SCEL: variants seen among roughly 807,000 people sequenced by gnomAD.
The protein encoded by SCEL is sciellin.
A neutral mutation model predicts 117.6 loss-of-function variants in SCEL; 113 were observed. The observed-to-expected ratio is 0.96, with a 90% CI of 0.83 to 1.12. SCEL has a LOEUF of 1.12. Among genes scored for constraint, SCEL ranks in the 50% most tolerant of loss-of-function variants. The probability of loss-of-function intolerance (pLI) is 0.00; values close to 1 mark genes in which losing one functional copy is unlikely to be tolerated. For synonymous variants in SCEL, 270 were observed against 256.2 expected (o/e 1.05, Z -0.51); for missense variants, 785 against 810.8 (o/e 0.97, Z 0.39).
At position 77,593,298 on chromosome 13, in the gene SCEL, C is replaced by CGCGTCTG. The variant is rs1195863187; in HGVS notation, c.693-216_693-215insGCGTCTG. Among the ~76,000 whole-genome samples, 185 of 73,740 alleles carry CGCGTCTG rather than the reference C, an allele frequency of 2.5e-3. 2 individuals carry two copies. The highest frequency in any genetic ancestry group is 9.5e-3 in the African/African-American group (162 of 17,120). 48.4% of individuals were successfully genotyped at this position (73,740 alleles called of 152,430 possible). On this transcript the variant is annotated intron_variant, in intron 11 of 32. Transcript: ENST00000349847. ...TGTGTGTGTGTGTGTGTGTGTGTGTCTGTGTGTGTGTGTGTGTGTGTCAGT... is the reference window on the plus strand; with the variant it reads ...TGTGTGTGTGTGTGTGTGTGTGTGTCGCGTCTGTGTGTGTGTGTGTGTGTGTGTCAGT...
chr13:77,636,268 G>A (rs2090273595), intron 29 of SCEL, among the ~76,000 whole-genome samples: 3 of 152,128 alleles, frequency 2.0e-5, no homozygotes, highest in Admixed American at 2.0e-4. Context: ...CAATAAAATG[G>A]GAATCATGAC....
chr13:77,637,057 T>G (rs1358265505), intron 29 of SCEL, 63 bp from the exon 30 acceptor site: 3 of 747,486 alleles, frequency 4.0e-6, no homozygotes, highest in Non-Finnish European at 6.7e-6. Context: ...GGTGTGAGTG[T>G]GTTTTCTTAT....
chr13:77,556,364 G>C (rs2154395807), intron 2 of SCEL, among the ~76,000 whole-genome samples: 1 of 152,330 alleles, frequency 6.6e-6, no homozygotes, highest in Non-Finnish European at 1.5e-5. Context: ...GGCCTCATGA[G>C]TGGCACTGGC....
rs961628856 is a variant in SCEL at position 77,630,376 on chromosome 13, C to A, written c.1691+2367C>A. Among the ~76,000 whole-genome samples the A allele has an allele frequency of 3.9e-5, 6 of 152,168 alleles. No homozygotes were observed. The East Asian group carries it at 5.8e-4, about 15-fold the overall frequency. ...AGATTTTAAGAACTGTCATACTTTT[C>A]AAATCATATAATTATAAGGTGGCCA... is the stretch of plus-strand genomic sequence containing the variant. On this transcript the variant is annotated intron_variant, in intron 28 of 32. Coordinates refer to ENST00000349847, the MANE Select transcript of SCEL (RefSeq NM_144777.3).
At chr13:77,640,627 G>A (rs369008485) in intron 30 of SCEL, 49 bp from the exon 31 acceptor site, 2 of 918,880 alleles carry the variant, frequency 2.2e-6, no homozygotes, top group African/African-American at 1.7e-5. Flanking sequence ...GAATACATCT[G>A]TCTTCTGTAT....
chr13:77,597,171 G>A (rs1416245374), intron 12 of SCEL: 1 of 218,530 alleles, frequency 4.6e-6, no homozygotes, highest in Non-Finnish European at 8.8e-6. Flanking sequence ...AAGTGTGTCT[G>A]ATGTAAAATA....
rs139437895 is a variant in SCEL, at chr13:77,642,750, T to C, written c.1992T>C (p.Asp664=). Residue 664 remains aspartate, a synonymous_variant, in exon 32 of 33, where the codon GAT becomes GAC. Coordinates refer to ENST00000349847, the MANE Select transcript of SCEL (RefSeq NM_144777.3). ...CTTTGGAAAATCTACAAGCGGGTGA[T>C]AGTATTTGGATTTATAGACAGACAA... is the stretch of plus-strand genomic sequence containing the variant. The part of the protein sequence containing the change: ...KQPLENLQAG[D]SIWIYRQTIH... The C allele has an allele frequency of 3.7e-6, 6 of 1,606,878 alleles. No individual in the cohort carries two copies. The East Asian group carries it at 1.1e-4, about 30-fold the overall frequency.
At chr13:77,597,923 A>C (rs1470174405) in intron 13 of SCEL, among the ~76,000 whole-genome samples, 1 of 152,048 alleles carries the variant, frequency 6.6e-6, no homozygotes, top group Non-Finnish European at 1.5e-5. Context: ...TAGTTTAACC[A>C]TTACAAAAAA....
At chr13:77,601,751 G>A (rs1218427367) in intron 15 of SCEL, among the ~76,000 whole-genome samples, 3 of 152,062 alleles carry the variant, frequency 2.0e-5, no homozygotes, top group Non-Finnish European at 2.9e-5. Flanking sequence ...CTCAATATAC[G>A]TATTAAAATT....
chr13:77,564,891 C>T (rs1422617133), intron 5 of SCEL, among the ~76,000 whole-genome samples: 2 of 152,154 alleles, frequency 1.3e-5, no homozygotes, highest in Non-Finnish European at 2.9e-5. Flanking sequence ...AAGAGTTGGT[C>T]TTTCTCTTTT....
chr13:77,593,684 C>T (rs896042708), intron 12 of SCEL, 111 bp downstream of exon 12: 22 of 671,170 alleles, frequency 3.3e-5, no homozygotes, highest in African/African-American at 1.1e-4. Flanking sequence ...TGCTGTATAT[C>T]GTATATAATT....
intron 1 of SCEL, among the ~76,000 whole-genome samples, chr13:77,549,655 A>G (rs2084191471): frequency 6.6e-6 from 1 of 152,194 alleles, no homozygotes; most frequent in East Asian, 1.9e-4. Context: ...GTGTGTTTAT[A>G]TTATTTACGT....
In SCEL at chr13:77,627,934, T is replaced by TA. The variant is rs748919977; in HGVS notation, c.1629-13_1629-12insA. ...TGTTGTAATTATTCATATATATATA[T>TA]TTTTTTCCTTAGAGACCAGAACCTG... is the stretch of plus-strand genomic sequence containing the variant. On this transcript the variant is annotated splice_polypyrimidine_tract_variant and intron_variant, in intron 27 of 32. Coordinates refer to ENST00000349847, the MANE Select transcript of SCEL (RefSeq NM_144777.3). 5.7e-6 allele frequency: 7 copies of TA among 1,223,860 alleles called. No individual in the cohort carries two copies. Among genetic ancestry groups the TA allele is most frequent in the Middle Eastern group, 2.1e-4 (1 of 4,760 alleles). The allele number at this position is 1,223,860 out of a possible 1,614,324, so 75.8% of individuals were successfully genotyped here. A position where few individuals can be genotyped will look rare whatever the true frequency, so the allele number is the denominator to read the frequency against.
intron 9 of SCEL, among the ~76,000 whole-genome samples, chr13:77,584,113 A>G (rs1332717157): frequency 6.6e-6 from 1 of 152,220 alleles, no homozygotes; most frequent in Non-Finnish European, 1.5e-5. Context: ...AAGCTTAAAC[A>G]TCGCATCTCA....
intron 13 of SCEL, among the ~76,000 whole-genome samples, chr13:77,598,342 A>C (rs1182223361): frequency 6.6e-6 from 1 of 152,214 alleles, no homozygotes; most frequent in African/African-American, 2.4e-5. Flanking sequence ...GAAAACAGGG[A>C]AATGCCAAAT....
intron 1 of SCEL, among the ~76,000 whole-genome samples, chr13:77,547,232 G>A (rs1288793391): frequency 1.3e-5 from 2 of 152,074 alleles, no homozygotes; most frequent in African/African-American, 2.4e-5. Context: ...TTTAAAAAAT[G>A]TGAGTAACAT....
intron 16 of SCEL, 115 bp from the exon 17 acceptor site, chr13:77,602,539 G>A: frequency 1.3e-6 from 1 of 781,266 alleles, no homozygotes; most frequent in Non-Finnish European, 2.2e-6. Flanking sequence ...AGCTCTTTTT[G>A]GTCATTTGGT....
intron 27 of SCEL, among the ~76,000 whole-genome samples, chr13:77,621,643 T>TGCATAATG (rs1436023605): frequency 3.6e-4 from 55 of 152,218 alleles, no homozygotes; most frequent in Admixed American, 3.6e-3. Flanking sequence ...TTACCTGTAA[T>TGCATAATG]GCATAATGCA....
rs115699680 is a variant in SCEL, at chr13:77,588,377, A to G, written c.546-767A>G. On this transcript the variant is annotated intron_variant, in intron 9 of 32. Coordinates refer to ENST00000349847, the MANE Select transcript of SCEL (RefSeq NM_144777.3). ...ATCTACCATTGCTACAGAAGCCAGA[A>G]GGGTACACAGGATCAGAGGGTTCTT... Among the ~76,000 whole-genome samples the G allele has an allele frequency of 2.6e-3, 392 of 152,306 alleles. 4 individuals are homozygous for G. The highest frequency in any genetic ancestry group is 9.0e-3 in the African/African-American group (374 of 41,568).
Sources: allele counts gnomAD v4.1 joint callset (sites outside exome capture counted in the v4.1 genomes callset), GRCh38; gene constraint gnomAD v4.1.1; transcripts MANE v1.5; gene names NCBI Gene and HGNC (gene_info 2026-07-23, HGNC 2026-07-21).